Variants in CUBN observed in about 807,000 individuals in gnomAD.
CUBN encodes cubilin, also known as 460 kDa receptor.
A neutral mutation model predicts 405.3 loss-of-function variants in CUBN; 282 were observed. The ratio of observed to expected loss-of-function variants is 0.70; its 90% confidence interval spans 0.63 to 0.77. The LOEUF is 0.77. Ranked by LOEUF, CUBN falls within the 30% of genes least tolerant of loss-of-function variation. The pLI, the probability that CUBN is intolerant of heterozygous loss-of-function variation, is 0.00. For synonymous variants in CUBN, 1,684 were observed against 1,617.0 expected, an observed-to-expected ratio of 1.04 and a Z score of -0.99; for missense variants, 4,514 against 4,475.2, an observed-to-expected ratio of 1.01 and a Z score of -0.25.
At chr10:16,935,144 T>C (rs1337397956) in intron 39 of CUBN, among the ~76,000 whole-genome samples, 2 of 152,130 alleles carry the variant, frequency 1.3e-5, no homozygotes, top group African/African-American at 4.8e-5. Context: ...TCTTTCCCAA[T>C]CTCTTTTATT....
At chr10:16,972,807 A>T (rs1174188252) in intron 31 of CUBN, among the ~76,000 whole-genome samples, 1 of 151,746 alleles carries the variant, frequency 6.6e-6, no homozygotes, top group Admixed American at 6.6e-5. Context: ...ATTAGCCTCT[A>T]ATTCTAGTGA....
intron 56 of CUBN, among the ~76,000 whole-genome samples, chr10:16,887,452 T>C (rs1840853201): frequency 6.6e-6 from 1 of 152,244 alleles, no homozygotes; most frequent in African/African-American, 2.4e-5. Context: ...AATATTTTCT[T>C]TAAATGGTGA....
rs1288562804 is a variant in CUBN at position 16,990,449 on chromosome 10, G to A, written c.4235C>T (p.Pro1412Leu). 2 of 1,614,144 alleles carry A rather than the reference G, an allele frequency of 1.2e-6. No individual in the cohort carries two copies. Among genetic ancestry groups the A allele is most frequent in the Admixed American group, 3.3e-5 (2 of 60,018 alleles). ...FSSPGFPNRY[P>L]PNKECIWYIR... ...GTACCAGATACACTCCTTGTTTGGT[G>A]GATACCTGTTGGGGAACCCGGGGCT... Residue 1412 changes from proline (P) to leucine (L), a missense_variant, in exon 29 of 67, where the codon CCA becomes CTA. This residue lies in a region of CUBN where 1,613 missense variants were observed against 1,542.8 expected (regional missense o/e 1.05). Coordinates refer to ENST00000377833, the MANE Select transcript of CUBN (RefSeq NM_001081.4).
chr10:17,010,531 C>G (rs1311272003), intron 28 of CUBN, among the ~76,000 whole-genome samples: 2 of 151,996 alleles, frequency 1.3e-5, no homozygotes, highest in Non-Finnish European at 2.9e-5. Flanking sequence ...CTCAGCTACT[C>G]AAGAGGCTGA....
Position 17,047,619 on chromosome 10 carries a change from G to A in CUBN, c.3140-16C>T. 1 of 1,606,422 alleles carries A rather than the reference G, an allele frequency of 6.2e-7. No homozygotes were observed. Among genetic ancestry groups the A allele is most frequent in the Non-Finnish European group, 8.5e-7 (1 of 1,173,100 alleles). ...TGCAAACATGCTGTGAACAGAAACAGACCATAAGAGAGAAAATAGAAAATA... is the reference window on the plus strand; with the variant it reads ...TGCAAACATGCTGTGAACAGAAACAAACCATAAGAGAGAAAATAGAAAATA... On this transcript the variant is annotated splice_polypyrimidine_tract_variant and intron_variant, in intron 22 of 66. Transcript: ENST00000377833.
rs1842615891 is a variant in CUBN, at chr10:16,940,180, T to C, written c.5400A>G (p.Glu1800=). ...CCACCAAGTGACCCGTGGCATTTCC[T>C]TCACGGATCTCCACAAAATCTCTGC... ...DCSRDFVEIR[E]GNATGHLVGR... The change falls in exon 37 of 67, where the codon GAA becomes GAG. Residue 1800 remains glutamate, a synonymous_variant. Coordinates refer to ENST00000377833, the MANE Select transcript of CUBN (RefSeq NM_001081.4). 1 of 1,614,020 alleles carries C rather than the reference T, an allele frequency of 6.2e-7. No homozygotes were observed. Among genetic ancestry groups the C allele is most frequent in the Non-Finnish European group, 8.5e-7 (1 of 1,179,998 alleles).
chr10:16,828,638 A>C (rs1015826621), intron 66 of CUBN, among the ~76,000 whole-genome samples, 167 bp downstream of exon 66: 1 of 151,588 alleles, frequency 6.6e-6, no homozygotes, highest in Non-Finnish European at 1.5e-5. Context: ...GAATTGCTTG[A>C]ACCCAGGAGG....
chr10:17,047,660 T>G, intron 22 of CUBN, 57 bp from the exon 23 acceptor site: 1 of 1,423,450 alleles, frequency 7.0e-7, no homozygotes, highest in Non-Finnish European at 9.9e-7. Context: ...ATGTTTATAA[T>G]ACATCCAGTA....
At chr10:16,961,813 G>A (rs1025978331) in intron 31 of CUBN, among the ~76,000 whole-genome samples, 13 of 139,178 alleles carry the variant, frequency 9.3e-5, no homozygotes, top group African/African-American at 2.9e-4. Flanking sequence ...CCGGGTTCAC[G>A]CCATTCTCCT....
intron 56 of CUBN, among the ~76,000 whole-genome samples, chr10:16,878,469 G>A (rs1379667005): frequency 1.3e-5 from 2 of 151,988 alleles, no homozygotes; most frequent in African/African-American, 2.4e-5. Flanking sequence ...TAAAAATATT[G>A]TTGAAACAAA....
At chr10:17,044,957 G>C (rs76580699) in intron 25 of CUBN, 50 bp downstream of exon 25, 1 of 1,536,620 alleles carries the variant, frequency 6.5e-7, no homozygotes, top group South Asian at 1.1e-5. Flanking sequence ...TGCATTGTGC[G>C]TTGGGTGAGA....
intron 56 of CUBN, among the ~76,000 whole-genome samples, chr10:16,877,463 A>C (rs1043907495): frequency 6.6e-6 from 1 of 152,084 alleles, no homozygotes; most frequent in Non-Finnish European, 1.5e-5. Context: ...AGAGTGGAGT[A>C]GAGACCAGGG....
chr10:16,888,606 C>T, intron 55 of CUBN, 40 bp from the exon 56 acceptor site: 2 of 1,583,414 alleles, frequency 1.3e-6, no homozygotes, highest in Non-Finnish European at 1.7e-6. Flanking sequence ...TCATTTATTT[C>T]TCGTGTATCT....
chr10:16,954,640 G>T, intron 31 of CUBN, 92 bp from the exon 32 acceptor site: 1 of 1,341,878 alleles, frequency 7.5e-7, no homozygotes, highest in Non-Finnish European at 1.0e-6. Flanking sequence ...TATACTAGTG[G>T]ATAATCACAC....
At position 16,909,177 on chromosome 10, in the gene CUBN, G is replaced by A. The variant is rs987194821; in HGVS notation, c.7534-1498C>T. Among the ~76,000 whole-genome samples the A allele has an allele frequency of 2.6e-5, 4 of 152,112 alleles. No homozygotes were observed. The South Asian group carries it at 6.2e-4, about 24-fold the overall frequency. On this transcript the variant is annotated intron_variant, in intron 48 of 66. Transcript: ENST00000377833. ...TGGGATTACAGGCGTGAGCCACCGC[G>A]CCCGGCCAAGATGTCATCTCTTTAA... is the stretch of plus-strand genomic sequence containing the variant.
At chr10:17,028,365 G>T (rs1834718530) in intron 27 of CUBN, among the ~76,000 whole-genome samples, 2 of 151,964 alleles carry the variant, frequency 1.3e-5, no homozygotes, top group Non-Finnish European at 1.5e-5. Context: ...GCTGGAAGAA[G>T]CCAGAGGACT....
At chr10:16,947,409 T>C (rs1564440735) in intron 35 of CUBN, 42 bp from the exon 36 acceptor site, 18 of 1,607,738 alleles carry the variant, frequency 1.1e-5, no homozygotes, top group Non-Finnish European at 1.5e-5. Flanking sequence ...GAGCAAAGAC[T>C]GCATCAGACA....
chr10:17,011,445 T>C (rs571051616), intron 28 of CUBN, among the ~76,000 whole-genome samples: 1 of 152,074 alleles, frequency 6.6e-6, no homozygotes, highest in Non-Finnish European at 1.5e-5. Context: ...TCCCGGTGGG[T>C]TCGTGGTCTT....
chr10:17,067,490 TCAAA>T (rs1835635672), intron 21 of CUBN, among the ~76,000 whole-genome samples: 1 of 152,184 alleles, frequency 6.6e-6, no homozygotes, highest in African/African-American at 2.4e-5. Flanking sequence ...AGGCTTGAAA[TCAAA>T]CAGACTATCA....
Sources: allele counts gnomAD v4.1 joint callset (sites outside exome capture counted in the v4.1 genomes callset), GRCh38; gene constraint gnomAD v4.1.1; regional missense constraint gnomAD v4.1.1; transcripts MANE v1.5; gene names NCBI Gene and HGNC (gene_info 2026-07-23, HGNC 2026-07-21).